PTPRK: variants seen among roughly 807,000 people sequenced by gnomAD.
PTPRK encodes the protein receptor-type tyrosine-protein phosphatase kappa.
PTPRK carries 75 observed loss-of-function variants against 178.0 expected under a neutral mutation model. The ratio of observed to expected loss-of-function variants is 0.42; its 90% confidence interval spans 0.35 to 0.51. The LOEUF is 0.51. PTPRK is among the 20% of genes least tolerant of loss of function. The pLI is 0.02. For missense variants in PTPRK, 1,441 were observed against 1,797.8 expected (o/e 0.80, Z 3.59); for synonymous variants, 637 against 620.6 (o/e 1.03, Z -0.39).
chr6:128,479,689 G>A (rs1278744243), intron 1 of PTPRK, among the ~76,000 whole-genome samples: 2 of 151,726 alleles, frequency 1.3e-5, no homozygotes, highest in East Asian at 3.9e-4. Flanking sequence ...ATGATTAGAG[G>A]GGATAGTTAA....
intron 2 of PTPRK, among the ~76,000 whole-genome samples, chr6:128,379,972 G>A (rs896671053): frequency 2.6e-5 from 4 of 152,046 alleles, no homozygotes; most frequent in Non-Finnish European, 5.9e-5. Context: ...TGCAAGAAAT[G>A]AAAAACACAA....
chr6:128,486,142 T>C (rs1265184400), intron 1 of PTPRK, among the ~76,000 whole-genome samples: 1 of 152,202 alleles, frequency 6.6e-6, no homozygotes, highest in Non-Finnish European at 1.5e-5. Context: ...CACAAAATTC[T>C]GTTATCTTTG....
At chr6:128,459,721 G>A (rs1418633850) in intron 1 of PTPRK, among the ~76,000 whole-genome samples, 1 of 152,158 alleles carries the variant, frequency 6.6e-6, no homozygotes, top group East Asian at 1.9e-4. Flanking sequence ...TTACACTGGA[G>A]ATAACAGTTG....
At chr6:128,364,109 C>A (rs566787351) in intron 2 of PTPRK, among the ~76,000 whole-genome samples, 2 of 151,952 alleles carry the variant, frequency 1.3e-5, no homozygotes, top group African/African-American at 2.4e-5. Context: ...TATTACATAG[C>A]CATTTATCAA....
chr6:128,184,413 GT>G lies in PTPRK; in HGVS notation c.1162+18del, dbSNP rs1802428352. On this transcript the variant is annotated intron_variant, in intron 7 of 29. Transcript: ENST00000368226. ...TAGATTCCTTCACAAGGTAGAAAAGGTCTGCTACTCAGTCTTACCTGCACAT... is the reference window on the plus strand; with the variant it reads ...TAGATTCCTTCACAAGGTAGAAAAGGCTGCTACTCAGTCTTACCTGCACAT... 3 of 1,609,048 alleles carry G rather than the reference GT, an allele frequency of 1.9e-6. No homozygotes were observed. Among genetic ancestry groups the G allele is most frequent in the African/African-American group, 2.7e-5 (2 of 74,856 alleles).
chr6:128,357,699 A>G (rs1300590418), intron 2 of PTPRK, among the ~76,000 whole-genome samples: 1 of 152,230 alleles, frequency 6.6e-6, no homozygotes, highest in East Asian at 1.9e-4. Flanking sequence ...GTCAAGAGCA[A>G]CTGTCTTTGT....
chr6:128,092,312 G>T (rs762818734), intron 7 of PTPRK, among the ~76,000 whole-genome samples: 5 of 152,056 alleles, frequency 3.3e-5, no homozygotes, highest in African/African-American at 1.2e-4. Context: ...ACATAATTTT[G>T]CACTCACTTT....
intron 3 of PTPRK, among the ~76,000 whole-genome samples, chr6:128,295,050 T>C (rs1391256068): frequency 1.3e-5 from 2 of 152,106 alleles, no homozygotes; most frequent in African/African-American, 2.4e-5. Flanking sequence ...CATTATACAG[T>C]TTGGAAGTCC....
chr6:128,328,757 A>T (rs1034985941), intron 2 of PTPRK, among the ~76,000 whole-genome samples: 1 of 152,170 alleles, frequency 6.6e-6, no homozygotes, highest in Non-Finnish European at 1.5e-5. Flanking sequence ...AAAAATCTCA[A>T]AAATAATAAT....
chr6:128,152,942 T>C (rs1439327404), intron 7 of PTPRK, among the ~76,000 whole-genome samples: 1 of 151,964 alleles, frequency 6.6e-6, no homozygotes, highest in African/African-American at 2.4e-5. Context: ...TGGAAGGGTC[T>C]GGAACTCAAA....
chr6:128,247,375 A>G (rs966451243), intron 3 of PTPRK, among the ~76,000 whole-genome samples: 1 of 152,090 alleles, frequency 6.6e-6, no homozygotes, highest in South Asian at 2.1e-4. Flanking sequence ...GCTGGAGTGC[A>G]GTGGCATGAT....
At chr6:128,357,690 T>A (rs1834143180) in intron 2 of PTPRK, among the ~76,000 whole-genome samples, 1 of 152,252 alleles carries the variant, frequency 6.6e-6, no homozygotes, top group South Asian at 2.1e-4. Flanking sequence ...ATATTCATAG[T>A]CAAGAGCAAC....
At chr6:128,014,993 G>A (rs1011286383) in intron 13 of PTPRK, among the ~76,000 whole-genome samples, 6 of 151,596 alleles carry the variant, frequency 4.0e-5, no homozygotes, top group South Asian at 2.1e-4. Flanking sequence ...TGATATGGAC[G>A]TGATCCAAAG....
intron 2 of PTPRK, among the ~76,000 whole-genome samples, chr6:128,326,034 T>G (rs1169890414): frequency 6.6e-6 from 1 of 151,974 alleles, no homozygotes; most frequent in Non-Finnish European, 1.5e-5. Flanking sequence ...ATGGATGAAG[T>G]TGAAAACCAT....
chr6:128,383,683 AAC>A (rs1838275336), intron 2 of PTPRK, among the ~76,000 whole-genome samples: 1 of 152,184 alleles, frequency 6.6e-6, no homozygotes, highest in Non-Finnish European at 1.5e-5. Flanking sequence ...CTATGTGCCA[AAC>A]ACAGTGCTAA....
Position 128,200,891 on chromosome 6 carries a change from AGGAGGGAG to A in PTPRK, c.869-16174_869-16167del, listed in dbSNP as rs1192559264. 1.9e-3 allele frequency among the ~76,000 whole-genome samples: 83 copies of A among 43,998 alleles called. 1 individual carries two copies. The highest frequency in any genetic ancestry group is 5.5e-3 in the African/African-American group (50 of 9,140). 28.9% of individuals were successfully genotyped at this position (43,998 alleles called of 152,430 possible). On this transcript the variant is annotated intron_variant, in intron 6 of 29. Transcript: ENST00000368226. ...AGGGTGAGGAGGAAGAAGGGAGGGA[AGGAGGGAG>A]GGAGGGAGGGAGGGAGGGAGGGAGG... is the stretch of plus-strand genomic sequence containing the variant.
intron 19 of PTPRK, among the ~76,000 whole-genome samples, chr6:127,992,077 G>A (rs1470087927): frequency 6.6e-6 from 1 of 151,536 alleles, no homozygotes; most frequent in Non-Finnish European, 1.5e-5. Context: ...CTCTTCTGAG[G>A]GCCAGTAGTC....
intron 7 of PTPRK, among the ~76,000 whole-genome samples, chr6:128,098,924 G>T (rs1475557349): frequency 6.6e-6 from 1 of 151,520 alleles, no homozygotes; most frequent in East Asian, 1.9e-4. Context: ...TTGAGGAGGG[G>T]TTAATTTCTT....
At chr6:128,191,220 T>A (rs1444566494) in intron 6 of PTPRK, among the ~76,000 whole-genome samples, 1 of 152,194 alleles carries the variant, frequency 6.6e-6, no homozygotes, top group Non-Finnish European at 1.5e-5. Flanking sequence ...TTTATTACTG[T>A]TAATTATATT....
Sources: allele counts gnomAD v4.1 joint callset (sites outside exome capture counted in the v4.1 genomes callset), GRCh38; gene constraint gnomAD v4.1.1; transcripts MANE v1.5; gene names NCBI Gene and HGNC (gene_info 2026-07-23, HGNC 2026-07-21).